The following CACNA2D2 variants were observed in gnomAD, a reference collection of about 807,000 sequenced individuals.
The protein encoded by CACNA2D2 is calcium voltage-gated channel auxiliary subunit alpha2delta 2, also known as voltage-dependent calcium channel subunit alpha-2/delta-2.
Under a neutral mutation model 166.4 loss-of-function variants are expected in CACNA2D2, and 48 were observed. The observed-to-expected ratio is 0.29, with a 90% confidence interval of 0.23 to 0.37. The LOEUF is 0.37. Ranked by LOEUF, CACNA2D2 falls within the 10% of genes least tolerant of loss-of-function variation. CACNA2D2 has a pLI of 1.00. For synonymous variants in CACNA2D2, 561 were observed against 573.7 expected, an observed-to-expected ratio of 0.98 and a Z score of 0.32; for missense variants, 1,122 against 1,433.0, an observed-to-expected ratio of 0.78 and a Z score of 3.50.
At chr3:50,468,651 G>A (rs1332034049) in intron 2 of CACNA2D2, among the ~76,000 whole-genome samples, 1 of 152,056 alleles carries the variant, frequency 6.6e-6, no homozygotes, top group South Asian at 2.1e-4. Flanking sequence ...CCCAGGCAGA[G>A]AACCTTCCAG....
Position 50,367,811 on chromosome 3 carries a change from C to T in CACNA2D2, c.2234+1G>A, listed in dbSNP as rs749539763. The T allele has an allele frequency of 1.9e-6, 3 of 1,609,758 alleles. No homozygotes were observed. Among genetic ancestry groups the T allele is most frequent in the African/African-American group, 2.7e-5 (2 of 74,630 alleles). ...GCCCCCACAGGCTGGGTGATGCCTA[C>T]GTGTTGAGATCCTGGTCCCTCCACA... On this transcript the variant is annotated splice_donor_variant, in intron 25 of 37. Transcript: ENST00000424201. LOFTEE classifies it high-confidence loss of function. The surrounding 1 kb of genome is among the most constrained non-coding windows in gnomAD (Gnocchi z 6.5).
chr3:50,385,147 C>T (rs371558399), intron 5 of CACNA2D2, among the ~76,000 whole-genome samples: 10 of 152,008 alleles, frequency 6.6e-5, no homozygotes, highest in South Asian at 2.1e-4. Context: ...ATGCTGCAGC[C>T]GATGGGAGGG....
chr3:50,379,465 G>A lies in CACNA2D2; in HGVS notation c.1119C>T (p.Ala373=), dbSNP rs758258398. 12 of 1,613,800 alleles carry A rather than the reference G, an allele frequency of 7.4e-6. No individual in the cohort carries two copies. Among genetic ancestry groups the A allele is most frequent in the East Asian group, 6.7e-5 (3 of 44,898 alleles). The change falls in exon 11 of 38, where the codon GCC becomes GCT. Residue 373 remains alanine, a synonymous_variant. Coordinates refer to ENST00000424201, the MANE Select transcript of CACNA2D2 (RefSeq NM_006030.4). The surrounding 1 kb of genome is among the most constrained non-coding windows in gnomAD (Gnocchi z 6.5). ...GCTGGTCAAAGGCATACTCAAAGCC[G>A]GCCTTGTAGCCTGTGGTGCCCTTGG... The part of the protein sequence containing the change: ...MVAKGTTGYK[A]GFEYAFDQLQ...
chr3:50,494,940 T>G (rs554451067), intron 1 of CACNA2D2, among the ~76,000 whole-genome samples: 211 of 152,312 alleles, frequency 1.4e-3, no homozygotes, highest in African/African-American at 4.7e-3. Flanking sequence ...CCTCCTAAAG[T>G]GCTGGGAGTA....
intron 16 of CACNA2D2, 89 bp from the exon 17 acceptor site, chr3:50,377,630 G>C (rs1382866267): frequency 2.6e-6 from 4 of 1,561,406 alleles, no homozygotes; most frequent in Non-Finnish European, 2.6e-6. Context: ...CTCACAGGCA[G>C]TGTGCAGGCC....
intron 2 of CACNA2D2, among the ~76,000 whole-genome samples, chr3:50,446,277 C>T (rs1445605692): frequency 6.6e-6 from 1 of 152,210 alleles, no homozygotes; most frequent in African/African-American, 2.4e-5. Context: ...CCAAAGTGAG[C>T]CTCCACACCG....
intron 2 of CACNA2D2, among the ~76,000 whole-genome samples, chr3:50,450,731 C>T (rs1378245498): frequency 2.0e-5 from 3 of 152,180 alleles, no homozygotes; most frequent in South Asian, 2.1e-4. Flanking sequence ...AGGCCTGCTG[C>T]GCGCATGCCT....
At chr3:50,369,523 T>TA (rs1420658222) in intron 23 of CACNA2D2, among the ~76,000 whole-genome samples, 3 of 152,210 alleles carry the variant, frequency 2.0e-5, no homozygotes, top group Non-Finnish European at 4.4e-5. Context: ...TGCATGCACA[T>TA]ACGTGCACAC....
At chr3:50,470,223 G>A (rs1710007215) in intron 2 of CACNA2D2, among the ~76,000 whole-genome samples, 1 of 152,232 alleles carries the variant, frequency 6.6e-6, no homozygotes, top group African/African-American at 2.4e-5. Context: ...AGGCTGTTCT[G>A]ATACAATACC....
intron 2 of CACNA2D2, among the ~76,000 whole-genome samples, chr3:50,435,588 C>T (rs1169889107): frequency 7.7e-6 from 1 of 129,378 alleles, no homozygotes; most frequent in East Asian, 2.5e-4. Flanking sequence ...GAGATAAGGT[C>T]GGTAGAGTGA....
chr3:50,405,433 G>C (rs1457178036), intron 3 of CACNA2D2, among the ~76,000 whole-genome samples: 1 of 152,194 alleles, frequency 6.6e-6, no homozygotes, highest in Non-Finnish European at 1.5e-5. Context: ...CTTGGGCGAA[G>C]ACTTTCAGCA....
In CACNA2D2 at chr3:50,460,848, C is replaced by T. The variant is rs926673956; in HGVS notation, c.288+15270G>A. Among the ~76,000 whole-genome samples, 15 of 149,178 alleles carry T rather than the reference C, an allele frequency of 1.0e-4. 1 individual carries two copies. Among genetic ancestry groups the T allele is most frequent in the Admixed American group, 8.0e-4 (12 of 15,014 alleles). ...CAGCCTGGGTGACAGAGCAAGACTC[C>T]GTCTCAAAAAAAAAGAAAAAAAAAA... is the stretch of plus-strand genomic sequence containing the variant. On this transcript the variant is annotated intron_variant, in intron 2 of 37. Coordinates refer to ENST00000424201, the MANE Select transcript of CACNA2D2 (RefSeq NM_006030.4).
At position 50,379,279 on chromosome 3, in the gene CACNA2D2, G is replaced by GAGGTCCA; in HGVS notation, c.1153-81_1153-80insTGGACCT. 6.8e-7 allele frequency: 1 copy of GAGGTCCA among 1,463,450 alleles called. No homozygotes were observed. The highest frequency in any genetic ancestry group is 9.5e-7 in the Non-Finnish European group (1 of 1,049,244). 90.7% of individuals were successfully genotyped at this position (1,463,450 alleles called of 1,614,324 possible). ...AGGGCCTCCCTCCCGCAGTGGGCCTGGACCTCTGGCCCTCCTCCCCCACAG... is the reference window on the plus strand; with the variant it reads ...AGGGCCTCCCTCCCGCAGTGGGCCTGAGGTCCAGACCTCTGGCCCTCCTCCCCCACAG... On this transcript the variant is annotated intron_variant, in intron 11 of 37. Transcript: ENST00000424201. The surrounding 1 kb of genome is among the most constrained non-coding windows in gnomAD (Gnocchi z 6.5).
Position 50,384,456 on chromosome 3 carries a change from A to C in CACNA2D2, c.511-119T>G, listed in dbSNP as rs1203238601. 6 of 1,170,378 alleles carry C rather than the reference A, an allele frequency of 5.1e-6. No individual in the cohort carries two copies. The African/African-American group carries it at 9.2e-5, about 18-fold the overall frequency. The allele number at this position is 1,170,378 out of a possible 1,614,324, so 72.5% of individuals were successfully genotyped here. A position where few individuals can be genotyped will look rare whatever the true frequency, so the allele number is the denominator to read the frequency against. On this transcript the variant is annotated intron_variant, in intron 5 of 37. Coordinates refer to ENST00000424201, the MANE Select transcript of CACNA2D2 (RefSeq NM_006030.4). ...CAGGAGATAGGGGCATCTCAAAAAG[A>C]GAGACTATTGCAGTAGGAGACACAG... is the stretch of plus-strand genomic sequence containing the variant.
Position 50,367,933 on chromosome 3 carries a change from G to T in CACNA2D2, c.2144-31C>A. 8.4e-7 allele frequency: 1 copy of T among 1,187,130 alleles called. No individual in the cohort carries two copies. The highest frequency in any genetic ancestry group is 1.2e-6 in the Non-Finnish European group (1 of 804,298). 73.5% of individuals were successfully genotyped at this position (1,187,130 alleles called of 1,614,324 possible). ...ACAGGAGGGGAGGGGTGGGGGTGGGGGCATCTTCTTGCAGCTCCTTGCCCA... is the reference window on the plus strand; with the variant it reads ...ACAGGAGGGGAGGGGTGGGGGTGGGTGCATCTTCTTGCAGCTCCTTGCCCA... On this transcript the variant is annotated intron_variant, in intron 24 of 37. Transcript: ENST00000424201. This position sits in a 1 kb window ranked among gnomAD's most constrained non-coding sequence, Gnocchi z 6.5.
At chr3:50,502,658 G>C (rs1464806793) in intron 1 of CACNA2D2, among the ~76,000 whole-genome samples, 1 of 152,218 alleles carries the variant, frequency 6.6e-6, no homozygotes, top group Non-Finnish European at 1.5e-5. Flanking sequence ...GGGGGGCCAA[G>C]AACAGGGGAC....
chr3:50,396,097 C>A (rs1706136222), intron 3 of CACNA2D2, among the ~76,000 whole-genome samples: 1 of 152,120 alleles, frequency 6.6e-6, no homozygotes, highest in Non-Finnish European at 1.5e-5. Flanking sequence ...CCTCTCTACT[C>A]CGTGATGCCT....
rs769176705 is a variant in CACNA2D2 at position 50,434,447 on chromosome 3, C to A, written c.289-18G>T. The A allele has an allele frequency of 3.1e-6, 5 of 1,597,284 alleles. No homozygotes were observed. In the African/African-American group the frequency reaches 5.4e-5, roughly 17 times the overall value. The stretch of plus-strand genomic sequence containing the variant: ...TTGTAAATCTGGAAGGAAGCAGAAG[C>A]CAGGGGTGAGACCAGGTGGTCCCAC... On this transcript the variant is annotated intron_variant, in intron 2 of 37. Coordinates refer to ENST00000424201, the MANE Select transcript of CACNA2D2 (RefSeq NM_006030.4).
At chr3:50,397,705 T>C (rs1178465001) in intron 3 of CACNA2D2, among the ~76,000 whole-genome samples, 1 of 152,212 alleles carries the variant, frequency 6.6e-6, no homozygotes, top group Admixed American at 6.5e-5. Context: ...GAGGTTTCTC[T>C]CACTGGCTCT....
Sources: allele counts gnomAD v4.1 joint callset (sites outside exome capture counted in the v4.1 genomes callset), GRCh38; gene constraint gnomAD v4.1.1; non-coding constraint Gnocchi (gnomAD v3.1); transcripts MANE v1.5; gene names NCBI Gene and HGNC (gene_info 2026-07-23, HGNC 2026-07-21).